CD72: variants seen among roughly 807,000 people sequenced by gnomAD.
CD72 encodes CD72 molecule, also known as B-cell differentiation antigen CD72.
A neutral mutation model predicts 50.7 loss-of-function variants in CD72; 28 were observed. That is an observed-to-expected ratio of 0.55 (90% CI 0.41 to 0.76). The LOEUF is 0.76. Among genes scored for constraint, CD72 ranks in the 30% least tolerant of loss-of-function variants. CD72 has a pLI of 0.00. For synonymous variants in CD72, 176 were observed against 171.2 expected (o/e 1.03, Z -0.22); for missense variants, 403 against 420.6 (o/e 0.96, Z 0.37).
chr9:35,620,820 T>TA (rs947051879), upstream of CD72, among the ~76,000 whole-genome samples: 148 of 150,520 alleles, frequency 9.8e-4, 2 homozygotes, highest in Middle Eastern at 0.021. Flanking sequence ...TCTCCAAAAA[T>TA]AAAAAAAAAT....
chr9:35,610,778 G>A, intron 7 of CD72, 25 bp from the exon 8 acceptor site: 1 of 1,594,592 alleles, frequency 6.3e-7, no homozygotes, highest in South Asian at 1.1e-5. Flanking sequence ...GGTAGAGCTG[G>A]GATATGCTCT....
chr9:35,612,493 G>A (rs1046011367), intron 6 of CD72, among the ~76,000 whole-genome samples: 11 of 152,066 alleles, frequency 7.2e-5, no homozygotes, highest in African/African-American at 2.4e-4. Flanking sequence ...GCTGAGACGG[G>A]AGAATTGCAT....
intron 1 of CD72, among the ~76,000 whole-genome samples, chr9:35,640,820 T>C (rs1434674432): frequency 6.6e-6 from 1 of 152,090 alleles, no homozygotes; most frequent in Non-Finnish European, 1.5e-5. Context: ...CCAAAGGGGG[T>C]TGCCATTGCC....
At position 35,612,832 on chromosome 9, in the gene CD72, G is replaced by C. The variant is rs1407158806; in HGVS notation, c.834+16C>G. Reference sequence around the variant, plus strand: ...TAATAGTACCCACTGCAGTCTGTGAGTAAGGATATGCTTACTGATTGTGGA... The same window carrying C: ...TAATAGTACCCACTGCAGTCTGTGACTAAGGATATGCTTACTGATTGTGGA... On this transcript the variant is annotated intron_variant, in intron 6 of 8. Transcript: ENST00000259633. The C allele has an allele frequency of 1.2e-6, 2 of 1,612,682 alleles. No homozygotes were observed. Among genetic ancestry groups the C allele is most frequent in the African/African-American group, 1.3e-5 (1 of 74,896 alleles).
intron 1 of CD72, among the ~76,000 whole-genome samples, chr9:35,628,216 C>T (rs1823213214): frequency 6.6e-6 from 1 of 152,208 alleles, no homozygotes; most frequent in East Asian, 1.9e-4. Flanking sequence ...AATCCTCCTG[C>T]CTTGGCCTCC....
At chr9:35,634,642 C>T (rs138976781) in intron 1 of CD72, among the ~76,000 whole-genome samples, 9 of 152,310 alleles carry the variant, frequency 5.9e-5, no homozygotes, top group African/African-American at 1.2e-4. Context: ...CGTGAGCCAC[C>T]GCGGCTGGCC....
At chr9:35,627,556 C>T (rs1476683541) in intron 1 of CD72, among the ~76,000 whole-genome samples, 1 of 152,102 alleles carries the variant, frequency 6.6e-6, no homozygotes, top group Non-Finnish European at 1.5e-5. Flanking sequence ...TTCATGGGTG[C>T]CCCTTGGTGT....
At position 35,611,814 on chromosome 9, in the gene CD72, G is replaced by T. The variant is rs147723170; in HGVS notation, c.940C>A (p.Gln314Lys). ...NKDWKLTDDT[Q>K]RTRTYAQSSK... ...TCCTAACAAACTTACCTAGTGCGTTGTGTATCATCAGTCAACTTCCAATCC... is the reference window on the plus strand; with the variant it reads ...TCCTAACAAACTTACCTAGTGCGTTTTGTATCATCAGTCAACTTCCAATCC... Residue 314 changes from glutamine (Q) to lysine (K), a missense_variant, in exon 7 of 9, where the codon CAA (glutamine) becomes AAA (lysine). Transcript: ENST00000259633. 4.0e-5 allele frequency: 63 copies of T among 1,582,534 alleles called. No homozygotes were observed. The African/African-American group carries it at 6.7e-4, about 17-fold the overall frequency.
chr9:35,625,003 C>A (rs1823183108), intron 1 of CD72, among the ~76,000 whole-genome samples: 1 of 152,158 alleles, frequency 6.6e-6, no homozygotes, highest in Admixed American at 6.5e-5. Context: ...TGAGACACAA[C>A]AATCTTAAAA....
intron 1 of CD72, among the ~76,000 whole-genome samples, chr9:35,636,997 C>T (rs1431210409): frequency 6.6e-6 from 1 of 152,156 alleles, no homozygotes; most frequent in Non-Finnish European, 1.5e-5. Flanking sequence ...GATCAATTGA[C>T]TTTGTGACAA....
chr9:35,616,911 T>C, intron 3 of CD72: 1 of 1,299,112 alleles, frequency 7.7e-7, no homozygotes. Flanking sequence ...TCGGGGGCGT[T>C]ACCTGGGAGA....
At chr9:35,611,673 A>G in intron 7 of CD72, 131 bp downstream of exon 7, 1 of 601,588 alleles carries the variant, frequency 1.7e-6, no homozygotes, top group Non-Finnish European at 3.0e-6. Context: ...GAGGAAACAG[A>G]CAAATAGGCA....
chr9:35,631,839 G>A (rs1040082975), intron 1 of CD72, among the ~76,000 whole-genome samples: 3 of 152,100 alleles, frequency 2.0e-5, no homozygotes, highest in African/African-American at 4.8e-5. Flanking sequence ...GCAGTGAGCC[G>A]AGATCGCCGA....
intron 5 of CD72, among the ~76,000 whole-genome samples, chr9:35,615,414 A>G (rs145683677): frequency 3.4e-4 from 52 of 152,076 alleles, no homozygotes; most frequent in African/African-American, 1.2e-3. Context: ...TTTCAAAATG[A>G]ATGGACACCC....
chr9:35,629,579 G>A (rs1337673329), intron 1 of CD72, among the ~76,000 whole-genome samples: 1 of 152,208 alleles, frequency 6.6e-6, no homozygotes, highest in Admixed American at 6.5e-5. Flanking sequence ...TCTGAAAGGT[G>A]TTGTCTTTGC....
chr9:35,616,358 C>T, intron 4 of CD72, 80 bp from the exon 5 acceptor site: 1 of 1,156,924 alleles, frequency 8.6e-7, no homozygotes, highest in Non-Finnish European at 1.2e-6. Context: ...AGCCCTTTTT[C>T]TGCTTCTTGC....
chr9:35,611,164 T>C (rs1318381626), intron 7 of CD72, among the ~76,000 whole-genome samples: 1 of 151,584 alleles, frequency 6.6e-6, no homozygotes, highest in Non-Finnish European at 1.5e-5. Context: ...GGCAGGAGAA[T>C]GGTGTGAACC....
chr9:35,622,072 G>C (rs536428014), upstream of CD72, among the ~76,000 whole-genome samples: 2 of 152,250 alleles, frequency 1.3e-5, no homozygotes, highest in Non-Finnish European at 2.9e-5. Flanking sequence ...TCTGGTTAAA[G>C]AGACCAGCCT....
At chr9:35,630,171 T>A (rs1422819340) in intron 1 of CD72, among the ~76,000 whole-genome samples, 2 of 151,890 alleles carry the variant, frequency 1.3e-5, no homozygotes, top group Non-Finnish European at 2.9e-5. Flanking sequence ...CCCGAGTAGC[T>A]GGAATTACAG....
Sources: gnomAD v4.1 joint callset for allele counts (sites outside exome capture counted in the v4.1 genomes callset) on GRCh38, gnomAD v4.1.1 for gene constraint, MANE v1.5 for transcripts, NCBI Gene and HGNC (gene_info 2026-07-23, HGNC 2026-07-21) for gene names.